Variants in TAFA1 observed in about 807,000 individuals in gnomAD.
The protein encoded by TAFA1 is chemokine-like protein TAFA-1.
TAFA1 carries 4 observed loss-of-function variants against 18.5 expected under a neutral mutation model. The ratio of observed to expected loss-of-function variants is 0.22; its 90% CI spans 0.11 to 0.49. The LOEUF is 0.49. Among genes scored for constraint, TAFA1 ranks in the 20% least tolerant of loss-of-function variants. TAFA1 has a pLI of 0.98. For missense variants in TAFA1, 147 were observed against 169.0 expected, an observed-to-expected ratio of 0.87 and a Z score of 0.72; for synonymous variants, 56 against 55.2, an observed-to-expected ratio of 1.01 and a Z score of -0.06.
At chr3:68,191,689 C>T (rs2066342274) in intron 2 of TAFA1, among the ~76,000 whole-genome samples, 1 of 151,640 alleles carries the variant, frequency 6.6e-6, no homozygotes, top group South Asian at 2.1e-4. Context: ...GGAGATAAGA[C>T]TTTTTTAAAA....
At chr3:68,520,629 T>C (rs2073005834) in intron 3 of TAFA1, among the ~76,000 whole-genome samples, 1 of 152,166 alleles carries the variant, frequency 6.6e-6, no homozygotes, top group Admixed American at 6.5e-5. Context: ...ACATTACCAC[T>C]GACACAGAAG....
chr3:68,199,262 A>C (rs963271456), intron 2 of TAFA1, among the ~76,000 whole-genome samples: 1 of 151,520 alleles, frequency 6.6e-6, no homozygotes, highest in Non-Finnish European at 1.5e-5. Flanking sequence ...GGTTACTATA[A>C]CTTTACAGTA....
At chr3:68,334,754 T>A (rs974718285) in intron 2 of TAFA1, among the ~76,000 whole-genome samples, 3 of 152,136 alleles carry the variant, frequency 2.0e-5, no homozygotes, top group African/African-American at 7.2e-5. Context: ...CTGAGGCAAG[T>A]CATTGAGACA....
intron 3 of TAFA1, among the ~76,000 whole-genome samples, chr3:68,475,978 A>C (rs1339102532): frequency 6.6e-6 from 1 of 152,078 alleles, no homozygotes; most frequent in Non-Finnish European, 1.5e-5. Flanking sequence ...GTGTCTGTTC[A>C]TGTCCTTCGC....
chr3:68,327,390 GAA>G (rs1304449568), intron 2 of TAFA1, among the ~76,000 whole-genome samples: 1 of 151,966 alleles, frequency 6.6e-6, no homozygotes, highest in Non-Finnish European at 1.5e-5. Context: ...GTATTTGTAA[GAA>G]ATACATTTTT....
chr3:68,435,893 C>T (rs2071259614), intron 3 of TAFA1, among the ~76,000 whole-genome samples: 1 of 152,158 alleles, frequency 6.6e-6, no homozygotes, highest in African/African-American at 2.4e-5. Context: ...AACGTCCTGC[C>T]AGACTACATG....
chr3:68,274,011 G>A (rs923358726), intron 2 of TAFA1, among the ~76,000 whole-genome samples: 4 of 152,094 alleles, frequency 2.6e-5, no homozygotes, highest in African/African-American at 4.8e-5. Flanking sequence ...CAGCTTTCTT[G>A]CCAGGCCCTA....
rs1427800561 is a variant in TAFA1 at position 68,004,463 on chromosome 3, C to T, written c.-243C>T. On this transcript the variant is annotated 5_prime_UTR_variant, in exon 1 of 5. Coordinates refer to ENST00000478136, the MANE Select transcript of TAFA1 (RefSeq NM_213609.4). Reference sequence around the variant, plus strand: ...AAGGTGAAAATGACAAGGTTTCCACCCCTCAAACCTTGGCTCCTTTTCTGA... The same window carrying T: ...AAGGTGAAAATGACAAGGTTTCCACTCCTCAAACCTTGGCTCCTTTTCTGA... The T allele has an allele frequency of 6.6e-6, 1 of 152,088 alleles. No homozygotes were observed. Among genetic ancestry groups the T allele is most frequent in the Non-Finnish European group, 1.5e-5 (1 of 68,024 alleles). 9.4% of individuals were successfully genotyped at this position (152,088 alleles called of 1,614,324 possible).
chr3:68,500,785 A>G (rs2072643503), intron 3 of TAFA1, among the ~76,000 whole-genome samples: 1 of 152,098 alleles, frequency 6.6e-6, no homozygotes, highest in African/African-American at 2.4e-5. Flanking sequence ...AATCAAGATG[A>G]AGGCACACCC....
intron 2 of TAFA1, among the ~76,000 whole-genome samples, chr3:68,074,380 G>A (rs940713147): frequency 7.2e-5 from 11 of 152,150 alleles, no homozygotes; most frequent in Non-Finnish European, 1.5e-5. Context: ...CTGCCTTAGA[G>A]GCTGTATAGA....
At chr3:68,502,573 C>T (rs759761537) in intron 3 of TAFA1, among the ~76,000 whole-genome samples, 6 of 152,140 alleles carry the variant, frequency 3.9e-5, no homozygotes, top group East Asian at 1.9e-4. Flanking sequence ...GTCAATACTA[C>T]CAATATAGCA....
chr3:68,445,785 C>T (rs576153030), intron 3 of TAFA1, among the ~76,000 whole-genome samples: 193 of 152,274 alleles, frequency 1.3e-3, no homozygotes, highest in Admixed American at 2.2e-3. Flanking sequence ...TTTCCAAGTG[C>T]TGCTGCTGTA....
At position 68,113,210 on chromosome 3, in the gene TAFA1, G is replaced by A. The variant is rs556149343; in HGVS notation, c.118+106466G>A. On this transcript the variant is annotated intron_variant, in intron 2 of 4. Transcript: ENST00000478136. ...AACTAAGGCAGTGTTATGTTATTGTGAGGATAGGCAAAGATTGCTATAGAA... is the reference window on the plus strand; with the variant it reads ...AACTAAGGCAGTGTTATGTTATTGTAAGGATAGGCAAAGATTGCTATAGAA... Among the ~76,000 whole-genome samples, 24 of 152,274 alleles carry A rather than the reference G, an allele frequency of 1.6e-4. No individual in the cohort carries two copies. In the South Asian group the frequency reaches 5.0e-3, roughly 32 times the overall value.
chr3:68,053,504 A>G (rs1559718540), intron 2 of TAFA1, among the ~76,000 whole-genome samples: 1 of 152,070 alleles, frequency 6.6e-6, no homozygotes, highest in Non-Finnish European at 1.5e-5. Context: ...TTTCTCCTCC[A>G]AAACCTTGAC....
chr3:68,163,611 G>T (rs562329493), intron 2 of TAFA1, among the ~76,000 whole-genome samples: 2 of 152,186 alleles, frequency 1.3e-5, no homozygotes, highest in South Asian at 4.1e-4. Context: ...CTCTATCATG[G>T]CATAATTCAC....
intron 2 of TAFA1, among the ~76,000 whole-genome samples, chr3:68,142,698 TTGGTAGCTTTCCA>T (rs1381164329): frequency 3.3e-5 from 5 of 152,342 alleles, no homozygotes; most frequent in South Asian, 2.1e-4. Context: ...ATAGTGGTAG[TTGGTAGCTTTCCA>T]AGAGCACTTT....
intron 2 of TAFA1, among the ~76,000 whole-genome samples, chr3:68,411,460 TG>T (rs1409787637): frequency 6.6e-6 from 1 of 152,230 alleles, no homozygotes; most frequent in Admixed American, 6.5e-5. Flanking sequence ...GTGATATCTT[TG>T]ATGGGACCCT....
intron 2 of TAFA1, among the ~76,000 whole-genome samples, chr3:68,188,522 T>TAG (rs56352696): frequency 9.1e-4 from 131 of 143,934 alleles, no homozygotes; most frequent in African/African-American, 1.9e-3. Context: ...TATATATATA[T>TAG]AGAGAGAGAG....
At chr3:68,466,361 T>C (rs770401861) in intron 3 of TAFA1, among the ~76,000 whole-genome samples, 2 of 152,178 alleles carry the variant, frequency 1.3e-5, no homozygotes, top group Non-Finnish European at 2.9e-5. Flanking sequence ...AACTTTGTTT[T>C]AAGCCTCTGA....
Sources: allele counts gnomAD v4.1 joint callset (sites outside exome capture counted in the v4.1 genomes callset), GRCh38; gene constraint gnomAD v4.1.1; transcripts MANE v1.5; gene names NCBI Gene and HGNC (gene_info 2026-07-23, HGNC 2026-07-21).